The following PDZRN4 variants were observed in gnomAD, a reference collection of about 807,000 sequenced individuals.
PDZRN4 encodes PDZ domain-containing RING finger protein 4.
In PDZRN4, 70 loss-of-function variants were observed where a neutral mutation model predicts 99.0. The observed-to-expected ratio is 0.71, with a 90% CI of 0.58 to 0.86. The LOEUF is 0.86. Among genes scored for constraint, PDZRN4 ranks in the 40% least tolerant of loss-of-function variants. The pLI, the probability that PDZRN4 is intolerant of heterozygous loss-of-function variation, is 0.00. For synonymous variants in PDZRN4, 551 were observed against 501.6 expected (o/e 1.10, Z -1.32); for missense variants, 1,474 against 1,331.2 (o/e 1.11, Z -1.67).
intron 3 of PDZRN4, among the ~76,000 whole-genome samples, chr12:41,379,329 G>C (rs1221980717): frequency 1.5e-5 from 2 of 136,946 alleles, no homozygotes; most frequent in East Asian, 4.3e-4. Flanking sequence ...CCTTCATTTT[G>C]TTGACCTTTT....
intron 3 of PDZRN4, among the ~76,000 whole-genome samples, chr12:41,266,520 G>C (rs1951278249): frequency 6.6e-6 from 1 of 152,170 alleles, no homozygotes; most frequent in Non-Finnish European, 1.5e-5. Context: ...CAGGAAGCTA[G>C]ATCCCAGGCT....
intron 3 of PDZRN4, among the ~76,000 whole-genome samples, chr12:41,297,012 A>G (rs1006618648): frequency 2.0e-5 from 3 of 152,188 alleles, no homozygotes; most frequent in African/African-American, 7.2e-5. Context: ...TCTTCAGTTA[A>G]TAGTGTAAAA....
At chr12:41,237,274 A>T (rs80149012) in intron 3 of PDZRN4, among the ~76,000 whole-genome samples, 1,780 of 152,224 alleles carry the variant, frequency 0.012, 55 homozygotes, top group East Asian at 0.11. Flanking sequence ...ATAATATTTT[A>T]AAAAGAAATG....
At chr12:41,236,468 G>A (rs549131325) in intron 3 of PDZRN4, among the ~76,000 whole-genome samples, 1 of 152,100 alleles carries the variant, frequency 6.6e-6, no homozygotes, top group Non-Finnish European at 1.5e-5. Context: ...TGGGTGTCAT[G>A]TTGGTGCCTG....
At chr12:41,451,451 T>C (rs1193282028) in intron 3 of PDZRN4, among the ~76,000 whole-genome samples, 2 of 152,214 alleles carry the variant, frequency 1.3e-5, no homozygotes, top group Admixed American at 6.5e-5. Context: ...GTAAGTTAAA[T>C]ATAAATTTAC....
intron 3 of PDZRN4, among the ~76,000 whole-genome samples, chr12:41,502,369 T>G (rs1367487377): frequency 6.6e-6 from 1 of 152,146 alleles, no homozygotes; most frequent in Non-Finnish European, 1.5e-5. Flanking sequence ...TCTCAATCAT[T>G]CGATATAACA....
At chr12:41,245,929 A>T (rs1207215637) in intron 3 of PDZRN4, among the ~76,000 whole-genome samples, 2 of 152,152 alleles carry the variant, frequency 1.3e-5, no homozygotes, top group African/African-American at 4.8e-5. Context: ...ATAGAAGGTG[A>T]GTTAGAGGGG....
rs529066981 is a variant in PDZRN4, at chr12:41,196,131, C to T, written c.843+1943C>T. On this transcript the variant is annotated intron_variant, in intron 3 of 9. Coordinates refer to ENST00000402685, the MANE Select transcript of PDZRN4 (RefSeq NM_001164595.2). The stretch of plus-strand genomic sequence containing the variant: ...TTTTTAAAGAGGTAATTTTATAAAA[C>T]TATGGTTGAAAATCAAGTGCATCTA... 4.6e-5 allele frequency among the ~76,000 whole-genome samples: 7 copies of T among 151,964 alleles called. No homozygotes were observed. The South Asian group carries it at 1.0e-3, about 23-fold the overall frequency.
At chr12:41,561,418 T>C (rs1303514013) in intron 7 of PDZRN4, among the ~76,000 whole-genome samples, 1 of 151,840 alleles carries the variant, frequency 6.6e-6, no homozygotes, top group Non-Finnish European at 1.5e-5. Flanking sequence ...CTGTATCGAC[T>C]CATGTAATCC....
At chr12:41,484,853 A>C (rs893453338) in intron 3 of PDZRN4, among the ~76,000 whole-genome samples, 8 of 152,144 alleles carry the variant, frequency 5.3e-5, no homozygotes, top group Non-Finnish European at 1.2e-4. Flanking sequence ...CAGACACCAA[A>C]GAATATCAGG....
At chr12:41,540,240 A>G (rs1344022463) in intron 5 of PDZRN4, among the ~76,000 whole-genome samples, 2 of 152,182 alleles carry the variant, frequency 1.3e-5, no homozygotes, top group African/African-American at 4.8e-5. Flanking sequence ...TAACCTGAAG[A>G]TGAGAAACTC....
At chr12:41,327,366 T>C (rs147766356) in intron 3 of PDZRN4, among the ~76,000 whole-genome samples, 264 of 152,310 alleles carry the variant, frequency 1.7e-3, no homozygotes, top group African/African-American at 5.8e-3. Context: ...TGTTACTTCT[T>C]TGCAAAATCT....
intron 3 of PDZRN4, among the ~76,000 whole-genome samples, chr12:41,258,480 G>C (rs1247981659): frequency 1.3e-5 from 2 of 152,024 alleles, no homozygotes; most frequent in Non-Finnish European, 2.9e-5. Flanking sequence ...GTATAGATTA[G>C]CTTTAAGAAA....
At chr12:41,559,581 T>C (rs1939231294) in intron 7 of PDZRN4, among the ~76,000 whole-genome samples, 1 of 152,128 alleles carries the variant, frequency 6.6e-6, no homozygotes, top group South Asian at 2.1e-4. Flanking sequence ...CCTAATCTCA[T>C]GTTGGCCAAA....
chr12:41,323,802 A>G (rs1404961234), intron 3 of PDZRN4, among the ~76,000 whole-genome samples: 1 of 151,944 alleles, frequency 6.6e-6, no homozygotes, highest in East Asian at 1.9e-4. Context: ...TATTTTATTA[A>G]TAAGTATGGT....
At position 41,567,764 on chromosome 12, in the gene PDZRN4, C is replaced by T; in HGVS notation, c.1468-19C>T. On this transcript the variant is annotated intron_variant, in intron 8 of 9. Transcript: ENST00000402685. ...GTTCTCACTAACATAATATAATGTACTAATGTATTCTTTTGCAGCTGGATG... is the reference window on the plus strand; with the variant it reads ...GTTCTCACTAACATAATATAATGTATTAATGTATTCTTTTGCAGCTGGATG... The T allele has an allele frequency of 2.0e-6, 3 of 1,482,480 alleles. No individual in the cohort carries two copies. The highest frequency in any genetic ancestry group is 1.1e-5 in the South Asian group (1 of 87,038). 91.8% of individuals were successfully genotyped at this position (1,482,480 alleles called of 1,614,324 possible). A position where few individuals can be genotyped will look rare whatever the true frequency, so the allele number is the denominator to read the frequency against.
intron 3 of PDZRN4, among the ~76,000 whole-genome samples, chr12:41,479,282 G>A (rs942554436): frequency 3.3e-5 from 5 of 152,016 alleles, no homozygotes; most frequent in East Asian, 1.9e-4. Context: ...GTCAGAAAAC[G>A]AAAGTAGATG....
intron 3 of PDZRN4, among the ~76,000 whole-genome samples, chr12:41,417,599 G>A (rs1385853730): frequency 6.6e-6 from 1 of 152,184 alleles, no homozygotes; most frequent in Non-Finnish European, 1.5e-5. Flanking sequence ...CACTAAGGAT[G>A]CAATGTCAGA....
chr12:41,502,410 G>GT (rs1938127233), intron 3 of PDZRN4, among the ~76,000 whole-genome samples: 1 of 152,038 alleles, frequency 6.6e-6, no homozygotes, highest in South Asian at 2.1e-4. Flanking sequence ...TTTTCCTATG[G>GT]TATGCTTAAA....
Sources: allele counts gnomAD v4.1 joint callset (sites outside exome capture counted in the v4.1 genomes callset), GRCh38; gene constraint gnomAD v4.1.1; transcripts MANE v1.5; gene names NCBI Gene and HGNC (gene_info 2026-07-23, HGNC 2026-07-21).